Variants in SLC41A2 observed in about 807,000 individuals in gnomAD.
SLC41A2 encodes the protein solute carrier family 41 member 2.
In SLC41A2, 32 loss-of-function variants were observed where a neutral mutation model predicts 58.3. That is an observed-to-expected ratio of 0.55 (90% CI 0.41 to 0.74). The LOEUF is 0.74. Ranked by LOEUF, SLC41A2 falls within the 30% of genes least tolerant of loss-of-function variation. The pLI is 0.00. For missense variants in SLC41A2, 514 were observed against 680.6 expected (o/e 0.76, Z 2.72); for synonymous variants, 190 against 235.0 (o/e 0.81, Z 1.75).
chr12:104,897,717 A>T (rs561508660), intron 3 of SLC41A2, among the ~76,000 whole-genome samples: 13 of 152,244 alleles, frequency 8.5e-5, no homozygotes, highest in African/African-American at 2.9e-4. Flanking sequence ...GAATTTTTTT[A>T]AAAAGTAAAG....
At chr12:104,864,040 G>A (rs1248267263) in intron 7 of SLC41A2, among the ~76,000 whole-genome samples, 2 of 149,946 alleles carry the variant, frequency 1.3e-5, no homozygotes, top group East Asian at 3.9e-4. Flanking sequence ...TAGGCCTGAT[G>A]TACAGCTGTC....
At position 104,807,049 on chromosome 12, in the gene SLC41A2, T is replaced by C. The variant is rs529480310; in HGVS notation, c.1537-1712A>G. ...ACTCTGATGGTAGTTTCTTTTGCTG[T>C]GCAGAAGCTCTTTAGTTTAATTAGA... On this transcript the variant is annotated intron_variant, in intron 10 of 10. Transcript: ENST00000258538. Among the ~76,000 whole-genome samples the C allele has an allele frequency of 2.6e-5, 4 of 152,348 alleles. No individual in the cohort carries two copies. The South Asian group carries it at 8.3e-4, about 32-fold the overall frequency.
intron 10 of SLC41A2, among the ~76,000 whole-genome samples, chr12:104,832,080 G>C (rs903096381): frequency 6.6e-6 from 1 of 152,092 alleles, no homozygotes; most frequent in Non-Finnish European, 1.5e-5. Context: ...ACTCATCAGA[G>C]AACATAAACT....
rs757344904 is a variant in SLC41A2 at position 104,866,415 on chromosome 12, CAT to C, written c.1175+15_1175+16del. 5.7e-3 allele frequency: 8,771 copies of C among 1,530,446 alleles called. 250 individuals are homozygous for C. In the African/African-American group the frequency reaches 0.11, roughly 20 times the overall value. The allele number at this position is 1,530,446 out of a possible 1,614,324, so 94.8% of individuals were successfully genotyped here. A position where few individuals can be genotyped will look rare whatever the true frequency, so the allele number is the denominator to read the frequency against. On this transcript the variant is annotated intron_variant, in intron 7 of 10. Coordinates refer to ENST00000258538, the MANE Select transcript of SLC41A2 (RefSeq NM_001352171.3). ...ACACACACACACACACACACACACACATATTTTAATACTAACCTACTTATAAC... is the reference window on the plus strand; with the variant it reads ...ACACACACACACACACACACACACACATTTTAATACTAACCTACTTATAAC...
intron 6 of SLC41A2, among the ~76,000 whole-genome samples, chr12:104,881,326 C>A (rs2044359734): frequency 6.6e-6 from 1 of 152,172 alleles, no homozygotes; most frequent in South Asian, 2.1e-4. Context: ...TTCAGTTCTG[C>A]TCTGATCTTA....
chr12:104,839,016 C>T (rs978108704), intron 10 of SLC41A2, among the ~76,000 whole-genome samples: 1 of 152,030 alleles, frequency 6.6e-6, no homozygotes, highest in African/African-American at 2.4e-5. Flanking sequence ...ACAGACATAG[C>T]CAAAGGCAAA....
chr12:104,850,848 A>T (rs141046861), intron 8 of SLC41A2, among the ~76,000 whole-genome samples: 231 of 152,364 alleles, frequency 1.5e-3, no homozygotes, highest in Middle Eastern at 0.01. Context: ...TCTGAAAAAA[A>T]TTCTAAAGGA....
chr12:104,875,832 A>C lies in SLC41A2; in HGVS notation c.1028-9253T>G, dbSNP rs375703551. Among the ~76,000 whole-genome samples, 28 of 152,246 alleles carry C rather than the reference A, an allele frequency of 1.8e-4. No homozygotes were observed. The South Asian group carries it at 5.8e-3, about 32-fold the overall frequency. On this transcript the variant is annotated intron_variant, in intron 6 of 10. Coordinates refer to ENST00000258538, the MANE Select transcript of SLC41A2 (RefSeq NM_001352171.3). ...AAAAATAAAAATAAATGAGTTTGGA[A>C]GTATTTCCTCTAGTTCTATGTTTTT...
At chr12:104,821,224 G>A (rs562886809) in intron 10 of SLC41A2, among the ~76,000 whole-genome samples, 2 of 152,024 alleles carry the variant, frequency 1.3e-5, no homozygotes, top group South Asian at 4.2e-4. Context: ...GAGAGAGTTG[G>A]TTTCCTTTAT....
intron 10 of SLC41A2, among the ~76,000 whole-genome samples, chr12:104,840,288 A>T (rs765078942): frequency 6.6e-6 from 1 of 152,252 alleles, no homozygotes; most frequent in Non-Finnish European, 1.5e-5. Flanking sequence ...CACTGCTTAG[A>T]GAGAAAGAAC....
At chr12:104,922,120 C>T (rs1340902000) in intron 2 of SLC41A2, among the ~76,000 whole-genome samples, 2 of 151,938 alleles carry the variant, frequency 1.3e-5, no homozygotes, top group African/African-American at 2.4e-5. Flanking sequence ...GGAAGAGTTA[C>T]AAAACAGGCA....
At chr12:104,878,525 A>G (rs11112221) in intron 6 of SLC41A2, among the ~76,000 whole-genome samples, 19,309 of 146,318 alleles carry the variant, frequency 0.13, 1,442 homozygotes, top group East Asian at 0.23. Flanking sequence ...AGGTATTCTC[A>G]TTGTTCAACT....
intron 1 of SLC41A2, among the ~76,000 whole-genome samples, chr12:104,944,347 A>G (rs751241089): frequency 6.6e-6 from 1 of 152,204 alleles, no homozygotes; most frequent in Non-Finnish European, 1.5e-5. Context: ...ACCTTCCCTT[A>G]CTGGGACACC....
rs182673878 is a variant in SLC41A2 at position 104,904,436 on chromosome 12, A to G, written c.663+5219T>C. Among the ~76,000 whole-genome samples the G allele has an allele frequency of 1.1e-3, 161 of 152,312 alleles. 2 individuals carry two copies. Among genetic ancestry groups the G allele is most frequent in the Admixed American group, 9.2e-3 (140 of 15,294 alleles). ...CTCTCGGATTGAGTTCTATCTACCT[A>G]GGTAATTCACCAGTTCTTATAACAT... On this transcript the variant is annotated intron_variant, in intron 3 of 10. Coordinates refer to ENST00000258538, the MANE Select transcript of SLC41A2 (RefSeq NM_001352171.3).
intron 2 of SLC41A2, among the ~76,000 whole-genome samples, chr12:104,918,233 T>A (rs957967031): frequency 6.6e-6 from 1 of 151,972 alleles, no homozygotes; most frequent in Non-Finnish European, 1.5e-5. Context: ...TGGAATCTGG[T>A]AATACCTATC....
intron 3 of SLC41A2, among the ~76,000 whole-genome samples, chr12:104,895,735 T>A (rs1355319677): frequency 6.6e-6 from 1 of 152,172 alleles, no homozygotes; most frequent in Admixed American, 6.5e-5. Context: ...ATTATAAAAC[T>A]AATGTAACTT....
intron 8 of SLC41A2, among the ~76,000 whole-genome samples, chr12:104,846,644 T>C (rs2042609780): frequency 2.0e-5 from 3 of 152,188 alleles, no homozygotes; most frequent in African/African-American, 7.2e-5. Flanking sequence ...CCCATGCCTT[T>C]CACTAAGAAA....
At chr12:104,809,274 G>A (rs2041064854) in intron 10 of SLC41A2, among the ~76,000 whole-genome samples, 1 of 152,178 alleles carries the variant, frequency 6.6e-6, no homozygotes, top group South Asian at 2.1e-4. Context: ...CCAGGTCCAC[G>A]GTCTAGGCCA....
chr12:104,824,987 T>C (rs1443708978), intron 10 of SLC41A2, among the ~76,000 whole-genome samples: 1 of 151,918 alleles, frequency 6.6e-6, no homozygotes, highest in Non-Finnish European at 1.5e-5. Context: ...TCACAGAGTT[T>C]TAAACCGCCC....
Sources: allele counts gnomAD v4.1 joint callset (sites outside exome capture counted in the v4.1 genomes callset), GRCh38; gene constraint gnomAD v4.1.1; transcripts MANE v1.5; gene names NCBI Gene and HGNC (gene_info 2026-07-23, HGNC 2026-07-21).